PTPRM: variants seen among roughly 807,000 people sequenced by gnomAD.
PTPRM encodes the protein receptor-type tyrosine-protein phosphatase mu.
A neutral mutation model predicts 186.7 loss-of-function variants in PTPRM; 47 were observed. That is an observed-to-expected ratio of 0.25 (90% CI 0.20 to 0.32). The LOEUF (loss-of-function observed/expected upper bound fraction) is 0.32. PTPRM is among the 10% of genes least tolerant of loss of function. PTPRM has a pLI of 1.00. For missense variants in PTPRM, 1,494 were observed against 1,865.0 expected (o/e 0.80, Z 3.66); for synonymous variants, 668 against 674.9 (o/e 0.99, Z 0.16).
chr18:8,038,763 A>G (rs2086508452), intron 7 of PTPRM, among the ~76,000 whole-genome samples: 1 of 152,162 alleles, frequency 6.6e-6, no homozygotes, highest in Non-Finnish European at 1.5e-5. Flanking sequence ...TAGTATTTCC[A>G]GCAGCCCTTT....
intron 19 of PTPRM, among the ~76,000 whole-genome samples, chr18:8,281,122 A>G (rs2147741141): frequency 6.6e-6 from 1 of 152,334 alleles, no homozygotes; most frequent in South Asian, 2.1e-4. Flanking sequence ...AATGAACATC[A>G]TATCCCACAG....
chr18:8,394,036 C>T (rs1040794714), intron 31 of PTPRM, among the ~76,000 whole-genome samples: 8 of 152,216 alleles, frequency 5.3e-5, no homozygotes, highest in African/African-American at 1.4e-4. Flanking sequence ...TCGTGATCCA[C>T]CCACCTTGGC....
At chr18:7,944,016 T>C (rs2146986651) in intron 5 of PTPRM, among the ~76,000 whole-genome samples, 1 of 152,318 alleles carries the variant, frequency 6.6e-6, no homozygotes, top group Admixed American at 6.5e-5. Context: ...ACAGAACCTC[T>C]AAAACATTCT....
chr18:7,847,326 C>T (rs1485187440), intron 2 of PTPRM, among the ~76,000 whole-genome samples: 1 of 151,902 alleles, frequency 6.6e-6, no homozygotes, highest in East Asian at 1.9e-4. Flanking sequence ...GCCACCACAC[C>T]TGGCTAATTT....
At chr18:7,927,978 G>A (rs1426582886) in intron 5 of PTPRM, among the ~76,000 whole-genome samples, 3 of 152,104 alleles carry the variant, frequency 2.0e-5, no homozygotes, top group African/African-American at 7.2e-5. Flanking sequence ...CTAGCCTCAA[G>A]TGATCCTCCT....
intron 19 of PTPRM, among the ~76,000 whole-genome samples, chr18:8,254,037 G>A (rs968118011): frequency 2.0e-5 from 3 of 151,322 alleles, no homozygotes; most frequent in African/African-American, 7.3e-5. Context: ...TAATGATTTT[G>A]TAGTCATTAT....
intron 1 of PTPRM, chr18:7,754,955 C>G (rs555910677): frequency 6.6e-6 from 1 of 152,240 alleles, no homozygotes; most frequent in Non-Finnish European, 1.5e-5. Flanking sequence ...CGTGAGCGTC[C>G]GTGTTCCTGA....
chr18:8,148,187 C>G (rs1474897276), intron 14 of PTPRM, among the ~76,000 whole-genome samples: 1 of 152,082 alleles, frequency 6.6e-6, no homozygotes, highest in African/African-American at 2.4e-5. Context: ...AGGATTCTCT[C>G]TTTTTCTGTT....
intron 7 of PTPRM, among the ~76,000 whole-genome samples, chr18:8,063,401 C>G (rs917829471): frequency 6.6e-6 from 1 of 152,064 alleles, no homozygotes; most frequent in Non-Finnish European, 1.5e-5. Context: ...GCAGAAATCA[C>G]CCGTCTTCTG....
intron 7 of PTPRM, among the ~76,000 whole-genome samples, chr18:7,969,570 TAAAG>T (rs1417270112): frequency 3.4e-5 from 5 of 145,660 alleles, no homozygotes; most frequent in African/African-American, 1.1e-4. Flanking sequence ...GCAAGACTAA[TAAAG>T]AAAAAAAGAG....
chr18:7,614,367 T>A (rs1158274147), intron 1 of PTPRM, among the ~76,000 whole-genome samples: 2 of 152,152 alleles, frequency 1.3e-5, no homozygotes, highest in Non-Finnish European at 2.9e-5. Context: ...AGTTTGATTT[T>A]GTGTGATCAA....
At chr18:8,104,379 C>A (rs767804435) in intron 11 of PTPRM, among the ~76,000 whole-genome samples, 1 of 152,082 alleles carries the variant, frequency 6.6e-6, no homozygotes, top group Non-Finnish European at 1.5e-5. Flanking sequence ...AAATGCAATA[C>A]TTTTGTATTC....
At chr18:7,696,410 T>C (rs1033696753) in intron 1 of PTPRM, among the ~76,000 whole-genome samples, 1 of 152,242 alleles carries the variant, frequency 6.6e-6, no homozygotes, top group Non-Finnish European at 1.5e-5. Flanking sequence ...TTTTTATATA[T>C]GATACTCTGT....
At chr18:7,972,460 A>AG (rs1261408913) in intron 7 of PTPRM, among the ~76,000 whole-genome samples, 1 of 12,930 alleles carries the variant, frequency 7.7e-5, no homozygotes, top group East Asian at 6.9e-3. Context: ...TTAAAGTATA[A>AG]TTAAAAAAAA....
chr18:8,258,714 T>C (rs1209965835), intron 19 of PTPRM, among the ~76,000 whole-genome samples: 2 of 152,174 alleles, frequency 1.3e-5, no homozygotes, highest in Non-Finnish European at 1.5e-5. Context: ...AGGATGTCAG[T>C]TGAAGGCTAC....
chr18:7,873,186 A>G (rs1166431714), intron 2 of PTPRM, among the ~76,000 whole-genome samples: 1 of 152,196 alleles, frequency 6.6e-6, no homozygotes, highest in Non-Finnish European at 1.5e-5. Flanking sequence ...TTATTTTTAA[A>G]TAAGAGAATA....
chr18:7,676,645 GTGTGTGTGTGTGTGTGTA>G lies in PTPRM; in HGVS notation c.74-97486_74-97469del, dbSNP rs1223627329. On this transcript the variant is annotated intron_variant, in intron 1 of 32. Coordinates refer to ENST00000580170, the MANE Select transcript of PTPRM (RefSeq NM_001105244.2). ...ATTCTAGCTGTGTGTGTGTGTGTGT[GTGTGTGTGTGTGTGTGTA>G]TGTGTGTGTGTGTGTGTGTGTGTGT... Among the ~76,000 whole-genome samples, 132 of 140,076 alleles carry G rather than the reference GTGTGTGTGTGTGTGTGTA, an allele frequency of 9.4e-4. 1 individual carries two copies. Among genetic ancestry groups the G allele is most frequent in the African/African-American group, 3.7e-3 (125 of 33,702 alleles). 91.9% of individuals were successfully genotyped at this position (140,076 alleles called of 152,430 possible). A position where few individuals can be genotyped will look rare whatever the true frequency, so the allele number is the denominator to read the frequency against.
chr18:7,676,627 C>CTGTGTGTGTGTGTG (rs751900694), intron 1 of PTPRM, among the ~76,000 whole-genome samples: 1 of 141,410 alleles, frequency 7.1e-6, no homozygotes, highest in Non-Finnish European at 1.5e-5. Context: ...GAGATTCTAG[C>CTGTGTGTGTGTGTG]TGTGTGTGTG....
intron 3 of PTPRM, among the ~76,000 whole-genome samples, chr18:7,904,844 T>C (rs188796868): frequency 6.6e-6 from 1 of 152,344 alleles, no homozygotes; most frequent in East Asian, 1.9e-4. Flanking sequence ...CCCGGTGAGA[T>C]AGTTTCATTC....
Sources: gnomAD v4.1 joint callset for allele counts (sites outside exome capture counted in the v4.1 genomes callset) on GRCh38, gnomAD v4.1.1 for gene constraint, MANE v1.5 for transcripts, NCBI Gene and HGNC (gene_info 2026-07-23, HGNC 2026-07-21) for gene names.